SGCD: variants seen among roughly 807,000 people sequenced by gnomAD.
SGCD encodes the protein delta-sarcoglycan.
Under a neutral mutation model 36.6 loss-of-function variants are expected in SGCD, and 18 were observed. The ratio of observed to expected loss-of-function variants is 0.49; its 90% CI spans 0.34 to 0.73. The LOEUF (loss-of-function observed/expected upper bound fraction) is 0.73. SGCD is among the 30% of genes least tolerant of loss of function. The probability of loss-of-function intolerance (pLI) is 0.01; values close to 1 mark genes in which losing one functional copy is unlikely to be tolerated. For synonymous variants in SGCD, 133 were observed against 130.6 expected (o/e 1.02, Z -0.12); for missense variants, 387 against 346.7 (o/e 1.12, Z -0.92).
At position 155,880,163 on chromosome 5, in the gene SGCD, CTGATT is replaced by C. The variant is rs1186262625; in HGVS notation, c.-282+9741_-282+9745del. Among the ~76,000 whole-genome samples, 445 of 152,228 alleles carry C rather than the reference CTGATT, an allele frequency of 2.9e-3. 1 individual carries two copies. The highest frequency in any genetic ancestry group is 0.01 in the African/African-American group (419 of 41,542). ...TGTGTGACTTGGGGCAAATCCCCTCCTGATTTCAGTTTTGTACCTTTAAAGTGAGA... is the reference window on the plus strand; with the variant it reads ...TGTGTGACTTGGGGCAAATCCCCTCCTCAGTTTTGTACCTTTAAAGTGAGA... On this transcript the variant is annotated intron_variant, in intron 1 of 9. Coordinates refer to the SGCD transcript ENST00000517913.
chr5:156,282,668 T>C (rs931939811), intron 3 of SGCD, among the ~76,000 whole-genome samples: 5 of 152,212 alleles, frequency 3.3e-5, no homozygotes, highest in African/African-American at 9.6e-5. Flanking sequence ...GTGTTTTTTT[T>C]CCTTTACTCT....
At chr5:156,555,018 C>T (rs926195901) in intron 4 of SGCD, among the ~76,000 whole-genome samples, 1 of 151,998 alleles carries the variant, frequency 6.6e-6, no homozygotes, top group Admixed American at 6.6e-5. Flanking sequence ...ACTTATTGGC[C>T]ATTTGTATAT....
intron 1 of SGCD, among the ~76,000 whole-genome samples, chr5:155,955,643 C>T (rs572461020): frequency 5.5e-4 from 83 of 152,094 alleles, no homozygotes; most frequent in African/African-American, 1.9e-3. Flanking sequence ...ATTTCTGTTG[C>T]GTGTTTGTGT....
intron 4 of SGCD, among the ~76,000 whole-genome samples, chr5:156,519,595 T>C (rs1212021399): frequency 3.9e-5 from 6 of 152,182 alleles, no homozygotes; most frequent in Non-Finnish European, 8.8e-5. Flanking sequence ...ATATTCCTGA[T>C]GAATATTGCT....
At chr5:156,758,170 GA>G (rs1291668318) in intron 8 of SGCD, 1 of 176,212 alleles carries the variant, frequency 5.7e-6, no homozygotes, top group African/African-American at 2.4e-5. Context: ...TATAGGGTAA[GA>G]CTAGGCAGCA....
At chr5:156,648,359 A>C (rs763824167) in intron 7 of SGCD, among the ~76,000 whole-genome samples, 1 of 152,032 alleles carries the variant, frequency 6.6e-6, no homozygotes, top group Non-Finnish European at 1.5e-5. Context: ...GACACCAACC[A>C]TAGGCACATG....
intron 4 of SGCD, among the ~76,000 whole-genome samples, chr5:156,515,338 A>T (rs1757111575): frequency 6.6e-6 from 1 of 152,220 alleles, no homozygotes; most frequent in African/African-American, 2.4e-5. Context: ...AAAATATTTA[A>T]AGATTAAAAC....
At position 156,428,935 on chromosome 5, in the gene SGCD, G is replaced by A. The variant is rs111793281; in HGVS notation, c.193-79666G>A. Among the ~76,000 whole-genome samples the A allele has an allele frequency of 4.1e-3, 616 of 152,066 alleles. 1 individual carries two copies. The highest frequency in any genetic ancestry group is 0.014 in the Middle Eastern group (4 of 294). On this transcript the variant is annotated intron_variant, in intron 3 of 8. Transcript: ENST00000337851. ...ATTTTGATTTTCTTAAATTTATTGA[G>A]TCTTTTTTTGTGACTTAGCATATGG...
chr5:155,800,879 A>G, the SGCD span, among the ~76,000 whole-genome samples: 2 of 151,710 alleles, frequency 1.3e-5, no homozygotes, highest in African/African-American at 4.8e-5. Context: ...GTGTTTTGAG[A>G]TATTTCCTAT....
At chr5:156,429,869 G>A (rs369273202) in intron 3 of SGCD, among the ~76,000 whole-genome samples, 70 of 152,234 alleles carry the variant, frequency 4.6e-4, no homozygotes, top group African/African-American at 1.7e-3. Context: ...GGCTTGTAAG[G>A]TTTCTTGTGA....
intron 1 of SGCD, among the ~76,000 whole-genome samples, chr5:155,891,584 A>G (rs991280320): frequency 2.7e-4 from 3 of 11,246 alleles, no homozygotes; most frequent in Non-Finnish European, 5.5e-4. Flanking sequence ...TTTTGGTGAC[A>G]TTACTTGGTC....
chr5:155,815,093 C>A, the SGCD span, among the ~76,000 whole-genome samples: 133,736 of 152,170 alleles, frequency 0.88, 58,831 homozygotes, highest in East Asian at 0.99. Context: ...TAAATTGTTT[C>A]TCTCACTTAT....
chr5:156,362,191 T>G (rs1272105266), intron 3 of SGCD, among the ~76,000 whole-genome samples: 1 of 152,232 alleles, frequency 6.6e-6, no homozygotes, highest in Non-Finnish European at 1.5e-5. Flanking sequence ...CACACTGCAC[T>G]ATGTCATTCA....
chr5:156,362,635 A>G (rs1430775925), intron 3 of SGCD, among the ~76,000 whole-genome samples: 1 of 152,052 alleles, frequency 6.6e-6, no homozygotes, highest in Admixed American at 6.5e-5. Context: ...ACAGAGAGAG[A>G]CTCCATCTCA....
chr5:156,105,699 T>G, intron 1 of SGCD, among the ~76,000 whole-genome samples: 1 of 152,174 alleles, frequency 6.6e-6, no homozygotes, highest in East Asian at 1.9e-4. Context: ...CATTTATATA[T>G]TTTAAATTGT....
At chr5:156,638,651 C>T (rs999891660) in intron 6 of SGCD, among the ~76,000 whole-genome samples, 13 of 151,948 alleles carry the variant, frequency 8.6e-5, no homozygotes, top group Admixed American at 2.0e-4. Flanking sequence ...CTATCAAAAA[C>T]GATGTACTCA....
At chr5:156,115,133 A>G (rs548273093) in intron 1 of SGCD, among the ~76,000 whole-genome samples, 35 of 152,222 alleles carry the variant, frequency 2.3e-4, no homozygotes, top group African/African-American at 8.2e-4. Flanking sequence ...TCATATGGAA[A>G]TAAATTGTTT....
chr5:156,401,071 G>A (rs944107983), intron 3 of SGCD, among the ~76,000 whole-genome samples: 20 of 152,108 alleles, frequency 1.3e-4, no homozygotes, highest in African/African-American at 4.3e-4. Context: ...TTGCCCTCAC[G>A]GAGCTTATAA....
chr5:155,749,710 A>G, the SGCD span, among the ~76,000 whole-genome samples: 1 of 152,220 alleles, frequency 6.6e-6, no homozygotes, highest in Admixed American at 6.5e-5. Context: ...TCAATTTTAT[A>G]TCATTCATGA....
Sources: allele counts gnomAD v4.1 joint callset (sites outside exome capture counted in the v4.1 genomes callset), GRCh38; gene constraint gnomAD v4.1.1; transcripts MANE v1.5; gene names NCBI Gene and HGNC (gene_info 2026-07-23, HGNC 2026-07-21).